The following CCND3 variants were observed in gnomAD, a reference collection of about 807,000 sequenced individuals.
CCND3 encodes the protein G1/S-specific cyclin-D3.
Under a neutral mutation model 28.7 loss-of-function variants are expected in CCND3, and 9 were observed. The observed-to-expected ratio is 0.31, with a 90% CI of 0.19 to 0.55. The LOEUF (loss-of-function observed/expected upper bound fraction) is 0.55. Among genes scored for constraint, CCND3 ranks in the 20% least tolerant of loss-of-function variants. The pLI is 0.93. For synonymous variants in CCND3, 164 were observed against 163.9 expected (o/e 1.00, Z 0.00); for missense variants, 315 against 385.8 (o/e 0.82, Z 1.54).
Position 41,947,093 on chromosome 6 carries a change from T to C in CCND3, c.-45-6508A>G, listed in dbSNP as rs561502609. 7.9e-5 allele frequency among the ~76,000 whole-genome samples: 12 copies of C among 151,774 alleles called. No homozygotes were observed. The South Asian group carries it at 2.5e-3, about 32-fold the overall frequency. On this transcript the variant is annotated intron_variant, in intron 1 of 4. Coordinates refer to the CCND3 transcript ENST00000372988. ...AAAATTAGCTGGGCATGGTGGCGCA[T>C]GCCTGTAATCCCAGCTACTCAGGAG...
intron 1 of CCND3, among the ~76,000 whole-genome samples, chr6:41,957,458 C>T (rs1028426944): frequency 6.6e-6 from 1 of 152,230 alleles, no homozygotes; most frequent in Admixed American, 6.5e-5. Flanking sequence ...CCAGCCTCTT[C>T]CCTTAAGGCC....
intron 1 of CCND3, among the ~76,000 whole-genome samples, chr6:41,979,019 A>G (rs752626021): frequency 6.6e-6 from 1 of 151,738 alleles, no homozygotes; most frequent in African/African-American, 2.4e-5. Flanking sequence ...TAAAAATACA[A>G]AATTAGCTGG....
intron 1 of CCND3, among the ~76,000 whole-genome samples, chr6:41,957,232 C>A (rs1776461557): frequency 6.6e-6 from 1 of 152,200 alleles, no homozygotes. Context: ...ATCAATGGCC[C>A]AAGGCCATCT....
chr6:42,036,473 A>G (rs1475112307), intron 1 of CCND3, among the ~76,000 whole-genome samples: 2 of 128,918 alleles, frequency 1.6e-5, no homozygotes, highest in African/African-American at 6.1e-5. Flanking sequence ...GCAGTGGCAC[A>G]ATCACTACTC....
chr6:41,951,335 C>A (rs951048981), intron 1 of CCND3, among the ~76,000 whole-genome samples: 1 of 151,444 alleles, frequency 6.6e-6, no homozygotes, highest in African/African-American at 2.4e-5. Context: ...GTGGGTGGAT[C>A]CGAAGTCAAG....
intron 1 of CCND3, among the ~76,000 whole-genome samples, chr6:41,950,951 G>A (rs56927858): frequency 2.4e-4 from 36 of 151,968 alleles, no homozygotes; most frequent in African/African-American, 6.3e-4. Flanking sequence ...CTCGTGATCC[G>A]CCCGCCTCGG....
intron 1 of CCND3, among the ~76,000 whole-genome samples, chr6:42,026,578 C>T (rs749893356): frequency 3.9e-5 from 6 of 152,182 alleles, no homozygotes; most frequent in South Asian, 2.1e-4. Flanking sequence ...CACAGGCTCC[C>T]CATACCCTTC....
chr6:41,956,445 T>C (rs1776437823), intron 1 of CCND3, among the ~76,000 whole-genome samples: 1 of 152,138 alleles, frequency 6.6e-6, no homozygotes, highest in Non-Finnish European at 1.5e-5. Context: ...GGCCAGAACT[T>C]TCCTAGTACT....
Position 41,936,216 on chromosome 6 carries a change from GC to G in CCND3, c.712-110del. 8.2e-7 allele frequency: 1 copy of G among 1,212,294 alleles called. No individual in the cohort carries two copies. Among genetic ancestry groups the G allele is most frequent in the South Asian group, 1.5e-5 (1 of 65,916 alleles). 75.1% of individuals were successfully genotyped at this position (1,212,294 alleles called of 1,614,324 possible). On this transcript the variant is annotated intron_variant, in intron 4 of 4. Coordinates refer to ENST00000372991, the MANE Select transcript of CCND3 (RefSeq NM_001760.5). The surrounding 1 kb of genome is among the most constrained non-coding windows in gnomAD (Gnocchi z 4.4). ...ACATGGGGAAGTCTGGGGAGGTTAG[GC>G]CACAGCCCGGCCCCAGGAATCGCTC...
intron 1 of CCND3, among the ~76,000 whole-genome samples, chr6:41,985,399 C>T (rs1210182429): frequency 2.0e-5 from 3 of 150,872 alleles, no homozygotes; most frequent in African/African-American, 7.3e-5. Flanking sequence ...CTGCAACCTC[C>T]GCCTCCCGGG....
chr6:41,936,576 T>C lies in CCND3; in HGVS notation c.694A>G (p.Ile232Val), dbSNP rs764685775. Residue 232 changes from isoleucine (I) to valine (V), a missense_variant, in exon 4 of 5, where the codon ATC becomes GTC. Ile to Val is a conservative substitution (Grantham distance 29). Transcript: ENST00000372991. This position sits in a 1 kb window ranked among gnomAD's most constrained non-coding sequence, Gnocchi z 4.4. ...GDELTELLAG[I>V]TGTEVDCLRA... is the part of the protein sequence containing the mutation. ...GCACTCACCACTTCAGTGCCAGTGA[T>C]CCCTGCCAGCAGCTCTGTGAGCTCA... is the stretch of plus-strand genomic sequence containing the variant. The C allele has an allele frequency of 6.8e-6, 11 of 1,614,126 alleles. No homozygotes were observed. The highest frequency in any genetic ancestry group is 9.3e-6 in the Non-Finnish European group (11 of 1,180,008).
intron 1 of CCND3, among the ~76,000 whole-genome samples, chr6:42,001,231 T>C (rs1464547990): frequency 8.3e-4 from 1 of 1,210 alleles, no homozygotes; most frequent in Non-Finnish European, 1.4e-3. Flanking sequence ...CAAGACCCCA[T>C]CTCAAAAAAA....
intron 1 of CCND3, chr6:42,018,285 C>G (rs903960272): frequency 6.6e-6 from 1 of 151,712 alleles, no homozygotes; most frequent in Non-Finnish European, 1.5e-5. Flanking sequence ...CTCCGCCTCC[C>G]GGGTTCACAC....
chr6:41,964,327 T>A (rs1582112678), intron 1 of CCND3, among the ~76,000 whole-genome samples: 1 of 96,678 alleles, frequency 1.0e-5, no homozygotes, highest in African/African-American at 3.2e-5. Flanking sequence ...TCTGTGTGTG[T>A]GAATGTGTGT....
At chr6:42,018,155 A>G (rs1169392592) in intron 1 of CCND3, among the ~76,000 whole-genome samples, 1 of 151,894 alleles carries the variant, frequency 6.6e-6, no homozygotes, top group Non-Finnish European at 1.5e-5. Flanking sequence ...TCTCTAAATA[A>G]ATAATAAATA....
At chr6:42,006,276 T>C (rs1347437998) in intron 1 of CCND3, among the ~76,000 whole-genome samples, 1 of 150,850 alleles carries the variant, frequency 6.6e-6, no homozygotes, top group East Asian at 1.9e-4. Flanking sequence ...TGATAAGATT[T>C]AACAACATTA....
At chr6:42,046,794 A>T (rs1764558153) in intron 1 of CCND3, among the ~76,000 whole-genome samples, 1 of 152,234 alleles carries the variant, frequency 6.6e-6, no homozygotes, top group Non-Finnish European at 1.5e-5. Context: ...TCCAAGATAC[A>T]GGACCACAGA....
At position 41,939,072 on chromosome 6, in the gene CCND3, T is replaced by C. The variant is rs1377315402; in HGVS notation, c.414+1298A>G. Reference sequence around the variant, plus strand: ...CCCAACCCCTCCAAAAACATCTTGCTCTCTGGCCCTGGAAACTAGCTCCAC... The same window carrying C: ...CCCAACCCCTCCAAAAACATCTTGCCCTCTGGCCCTGGAAACTAGCTCCAC... On this transcript the variant is annotated intron_variant, in intron 2 of 4. Coordinates refer to ENST00000372991, the MANE Select transcript of CCND3 (RefSeq NM_001760.5). The surrounding 1 kb of genome is among the most constrained non-coding windows in gnomAD (Gnocchi z 4.2). Among the ~76,000 whole-genome samples, 1 of 152,104 alleles carries C rather than the reference T, an allele frequency of 6.6e-6. No homozygotes were observed. The highest frequency in any genetic ancestry group is 2.4e-5 in the African/African-American group (1 of 41,394).
intron 1 of CCND3, among the ~76,000 whole-genome samples, chr6:42,036,403 A>ATATATATATATATAT (rs57619585): frequency 1.3e-4 from 4 of 31,320 alleles, no homozygotes; most frequent in Admixed American, 6.9e-4. Context: ...ATATATATAT[A>ATATATATATATATAT]TTTTTTTTTT....
Sources: allele counts gnomAD v4.1 joint callset (sites outside exome capture counted in the v4.1 genomes callset), GRCh38; gene constraint gnomAD v4.1.1; non-coding constraint Gnocchi (gnomAD v3.1); transcripts MANE v1.5; gene names NCBI Gene and HGNC (gene_info 2026-07-23, HGNC 2026-07-21).